CRTAC1: variants seen among roughly 807,000 people sequenced by gnomAD.
The protein encoded by CRTAC1 is acidic secreted protein in cartilage.
A neutral mutation model predicts 67.8 loss-of-function variants in CRTAC1; 37 were observed. The observed-to-expected ratio is 0.55, with a 90% CI of 0.42 to 0.72. The LOEUF is 0.72. CRTAC1 is among the 30% of genes least tolerant of loss of function. The pLI is 0.00. For missense variants in CRTAC1, 780 were observed against 931.6 expected (o/e 0.84, Z 2.12); for synonymous variants, 348 against 371.0 (o/e 0.94, Z 0.71).
chr10:97,921,225 A>G (rs1211717857), intron 4 of CRTAC1, among the ~76,000 whole-genome samples: 1 of 152,154 alleles, frequency 6.6e-6, no homozygotes, highest in Non-Finnish European at 1.5e-5. Context: ...CTGCTGGCCC[A>G]GAGGCTACAC....
chr10:97,887,429 A>G (rs185166864), intron 11 of CRTAC1, among the ~76,000 whole-genome samples: 3 of 152,008 alleles, frequency 2.0e-5, no homozygotes, highest in Non-Finnish European at 4.4e-5. Flanking sequence ...TTTTAGTAGA[A>G]ATGGGGTTTC....
At chr10:97,897,645 G>A (rs1453200744) in intron 8 of CRTAC1, among the ~76,000 whole-genome samples, 2 of 152,190 alleles carry the variant, frequency 1.3e-5, no homozygotes, top group Non-Finnish European at 2.9e-5. Context: ...GGTCCCTTTG[G>A]GTTGCAGCGG....
chr10:97,979,095 A>C (rs535415903), intron 2 of CRTAC1, among the ~76,000 whole-genome samples: 2 of 152,270 alleles, frequency 1.3e-5, no homozygotes, highest in South Asian at 4.1e-4. Flanking sequence ...CAGAGGGTCT[A>C]AGACCTAACT....
At chr10:97,956,632 G>A (rs1206205180) in intron 2 of CRTAC1, among the ~76,000 whole-genome samples, 1 of 145,882 alleles carries the variant, frequency 6.9e-6, no homozygotes, top group East Asian at 1.9e-4. Flanking sequence ...ATGAAAAAAA[G>A]TATCTTTGGG....
chr10:97,912,388 A>T (rs2050699332), intron 5 of CRTAC1, among the ~76,000 whole-genome samples: 1 of 152,136 alleles, frequency 6.6e-6, no homozygotes, highest in South Asian at 2.1e-4. Flanking sequence ...TTAGAGGGGA[A>T]AATGCCCCTT....
rs568496378 is a variant in CRTAC1, at chr10:97,890,820, A to G, written c.1486+4425T>C. 4.6e-5 allele frequency among the ~76,000 whole-genome samples: 7 copies of G among 151,996 alleles called. No homozygotes were observed. In the South Asian group the frequency reaches 1.5e-3, roughly 32 times the overall value. ...GTAGCTGGGATTACAGGCATGCACCACCACGCCCAGCTAATTTTGTATTTT... is the reference window on the plus strand; with the variant it reads ...GTAGCTGGGATTACAGGCATGCACCGCCACGCCCAGCTAATTTTGTATTTT... On this transcript the variant is annotated intron_variant, in intron 11 of 14. Transcript: ENST00000370597.
At chr10:97,908,169 A>G in intron 5 of CRTAC1, 22 bp from the exon 6 acceptor site, 1 of 1,612,982 alleles carries the variant, frequency 6.2e-7, no homozygotes, top group East Asian at 2.2e-5. Flanking sequence ...ATCGACCCAC[A>G]GTGAGTGGCA....
At position 97,895,187 on chromosome 10, in the gene CRTAC1, C is replaced by T; in HGVS notation, c.1486+58G>A. ...CCCAAGGATGCTCGGGCTGTGAGTC[C>T]CTGAATCAGTCAGCATCCTGATAAC... On this transcript the variant is annotated intron_variant, in intron 11 of 14. Transcript: ENST00000370597. The surrounding 1 kb of genome is among the most constrained non-coding windows in gnomAD (Gnocchi z 4.2). 1.3e-6 allele frequency: 2 copies of T among 1,553,452 alleles called. No individual in the cohort carries two copies. The highest frequency in any genetic ancestry group is 1.7e-5 in the Admixed American group (1 of 58,448).
intron 5 of CRTAC1, among the ~76,000 whole-genome samples, chr10:97,911,282 C>A (rs573575843): frequency 6.6e-6 from 1 of 152,364 alleles, no homozygotes; most frequent in Non-Finnish European, 1.5e-5. Context: ...GTGACACATT[C>A]CCTTCATTTT....
In CRTAC1 at chr10:97,880,238, G is replaced by T. The variant is rs756636667; in HGVS notation, c.1819+11C>A. 6.2e-7 allele frequency: 1 copy of T among 1,613,608 alleles called. No individual in the cohort carries two copies. Among genetic ancestry groups the T allele is most frequent in the Admixed American group, 1.7e-5 (1 of 60,006 alleles). On this transcript the variant is annotated intron_variant, in intron 14 of 14. Coordinates refer to ENST00000370597, the MANE Select transcript of CRTAC1 (RefSeq NM_018058.7). ...CTTTTGCTACTGGCCTATGGCTGGG[G>T]CCCCACTCACCCACGCAGGCTGTGC...
At chr10:97,915,495 G>A (rs1277217986) in intron 5 of CRTAC1, among the ~76,000 whole-genome samples, 1 of 152,176 alleles carries the variant, frequency 6.6e-6, no homozygotes, top group Non-Finnish European at 1.5e-5. Flanking sequence ...CCTTCTGCCT[G>A]CTTTCCTCCC....
Position 97,865,500 on chromosome 10 carries a change from C to T in CRTAC1, c.*48G>A. 1 of 1,561,306 alleles carries T rather than the reference C, an allele frequency of 6.4e-7. No homozygotes were observed. The highest frequency in any genetic ancestry group is 8.7e-7 in the Non-Finnish European group (1 of 1,147,908). ...CTAGGCAGCAGCACAAGCCCACTTT[C>T]CCACTCCCCTGCTGGACTCCATCCG... is the stretch of plus-strand genomic sequence containing the variant. On this transcript the variant is annotated 3_prime_UTR_variant, in exon 15 of 15. Coordinates refer to ENST00000370597, the MANE Select transcript of CRTAC1 (RefSeq NM_018058.7).
At chr10:97,928,364 G>A (rs927592473) in intron 3 of CRTAC1, among the ~76,000 whole-genome samples, 3 of 152,150 alleles carry the variant, frequency 2.0e-5, no homozygotes, top group Non-Finnish European at 4.4e-5. Context: ...CTGACTAGGG[G>A]CTTTTAGAGT....
At chr10:98,019,588 C>A (rs1176680663) in intron 1 of CRTAC1, among the ~76,000 whole-genome samples, 5 of 152,194 alleles carry the variant, frequency 3.3e-5, no homozygotes, top group African/African-American at 1.2e-4. Context: ...GGGCCTCCGT[C>A]TTTACTCTGC....
At chr10:97,906,035 G>A (rs1318399929) in intron 6 of CRTAC1, among the ~76,000 whole-genome samples, 2 of 152,178 alleles carry the variant, frequency 1.3e-5, no homozygotes, top group Non-Finnish European at 2.9e-5. Flanking sequence ...TCTCTGGGAT[G>A]GCAGACCACA....
intron 2 of CRTAC1, among the ~76,000 whole-genome samples, chr10:97,993,997 C>A (rs1214555133): frequency 6.6e-6 from 1 of 152,054 alleles, no homozygotes; most frequent in Non-Finnish European, 1.5e-5. Flanking sequence ...GCTGAGATTA[C>A]AGGCATGCAC....
intron 11 of CRTAC1, among the ~76,000 whole-genome samples, chr10:97,885,734 G>T (rs1316152146): frequency 2.6e-5 from 4 of 152,188 alleles, no homozygotes; most frequent in Non-Finnish European, 5.9e-5. Flanking sequence ...AGCACAGACA[G>T]GGGGAGAACA....
At chr10:97,982,002 G>A (rs2051899566) in intron 2 of CRTAC1, among the ~76,000 whole-genome samples, 2 of 152,162 alleles carry the variant, frequency 1.3e-5, no homozygotes, top group South Asian at 4.1e-4. Context: ...GGAAATCCCT[G>A]TACATGAGCT....
In CRTAC1 at chr10:97,895,341, C is replaced by G; in HGVS notation, c.1390G>C (p.Val464Leu). 1 of 1,613,710 alleles carries G rather than the reference C, an allele frequency of 6.2e-7. No individual in the cohort carries two copies. The highest frequency in any genetic ancestry group is 8.5e-7 in the Non-Finnish European group (1 of 1,179,928). ...GCCCCACTCTTCTTGGTGTAGAGCA[C>G]GACCTTAGCTCCCCTGGCAAAGGCC... The part of the protein sequence containing the change: ...FGAFARGAKV[V>L]LYTKKSGAHL... Residue 464 changes from valine to leucine, a missense_variant, in exon 11 of 15, where the codon GTG becomes CTG. Val to Leu is a conservative substitution (Grantham distance 32, BLOSUM62 1). Transcript: ENST00000370597. This position sits in a 1 kb window ranked among gnomAD's most constrained non-coding sequence, Gnocchi z 4.2.
Sources: allele counts gnomAD v4.1 joint callset (sites outside exome capture counted in the v4.1 genomes callset), GRCh38; gene constraint gnomAD v4.1.1; non-coding constraint Gnocchi (gnomAD v3.1); transcripts MANE v1.5; gene names NCBI Gene and HGNC (gene_info 2026-07-23, HGNC 2026-07-21).